The following DCAF8L2 variants were observed in gnomAD, a reference collection of about 807,000 sequenced individuals.
The protein encoded by DCAF8L2 is DDB1 and CUL4 associated factor 8 like 2, also known as DDB1- and CUL4-associated factor 8-like protein 2.
For missense variants in DCAF8L2, 430 were observed against 490.7 expected, an observed-to-expected ratio of 0.88 and a Z score of 1.17; for synonymous variants, 200 against 190.9, an observed-to-expected ratio of 1.05 and a Z score of -0.39.
At chrX:27,685,081 T>C (rs1930456450) in intron 3 of DCAF8L2, among the ~76,000 whole-genome samples, 1 of 111,857 alleles carries the variant, frequency 8.9e-6, no homozygotes, top group African/African-American at 3.2e-5. Flanking sequence ...CATTGTGCAC[T>C]AAACTTAGAC....
the DCAF8L2 span, among the ~76,000 whole-genome samples, chrX:27,560,207 C>T: frequency 1.9e-5 from 2 of 104,429 alleles, no homozygotes; most frequent in South Asian, 9.0e-4. Flanking sequence ...GCAGAGCTTG[C>T]AATGAGCCAA....
the DCAF8L2 span, among the ~76,000 whole-genome samples, chrX:27,474,706 G>T: frequency 8.9e-6 from 1 of 111,776 alleles, no homozygotes; most frequent in African/African-American, 3.3e-5. Flanking sequence ...AACATATTAT[G>T]CTCCTTTTAA....
the DCAF8L2 span, among the ~76,000 whole-genome samples, chrX:27,474,019 T>C: frequency 9.0e-6 from 1 of 110,926 alleles, no homozygotes; most frequent in Non-Finnish European, 1.9e-5. Context: ...TCAGGCTCAA[T>C]TGGAGTCCCG....
intron 2 of DCAF8L2, among the ~76,000 whole-genome samples, chrX:27,662,361 TA>T (rs1209747389): frequency 1.8e-4 from 20 of 111,765 alleles, no homozygotes; most frequent in Admixed American, 4.8e-4. Flanking sequence ...AAAATAGGGA[TA>T]TTTTTTCCAT....
chrX:27,666,733 C>T (rs1474370590), intron 2 of DCAF8L2, among the ~76,000 whole-genome samples: 1 of 112,115 alleles, frequency 8.9e-6, no homozygotes, highest in Non-Finnish European at 1.9e-5. Context: ...CAATTTGTAA[C>T]AGAATTGTTT....
At chrX:27,710,433 T>C (rs1415475646) in intron 3 of DCAF8L2, among the ~76,000 whole-genome samples, 1 of 111,947 alleles carries the variant, frequency 8.9e-6, no homozygotes, top group East Asian at 2.8e-4. Flanking sequence ...AGAGTATTTT[T>C]CTTAATTTAT....
At chrX:27,557,776 A>T in the DCAF8L2 span, among the ~76,000 whole-genome samples, 1 of 95,408 alleles carries the variant, frequency 1.0e-5, no homozygotes, top group Admixed American at 1.0e-4. Context: ...AAGAGCAGCA[A>T]GCCCTTCCTT....
chrX:27,638,075 AG>A (rs1195648559), intron 2 of DCAF8L2, among the ~76,000 whole-genome samples: 1 of 112,093 alleles, frequency 8.9e-6, no homozygotes, highest in Non-Finnish European at 1.9e-5. Flanking sequence ...AAGGAAGGTT[AG>A]GTAGGAAAAG....
intron 3 of DCAF8L2, among the ~76,000 whole-genome samples, chrX:27,704,931 C>T (rs955719338): frequency 2.7e-5 from 3 of 110,760 alleles, no homozygotes; most frequent in African/African-American, 9.9e-5. Context: ...GCATGGTACC[C>T]AATAAGAATT....
intron 1 of DCAF8L2, among the ~76,000 whole-genome samples, chrX:27,617,576 G>A (rs1228671048): frequency 9.0e-6 from 1 of 110,965 alleles, no homozygotes; most frequent in African/African-American, 3.3e-5. Flanking sequence ...ATGAAAACAT[G>A]TTGAAAAAGA....
chrX:27,699,780 T>G (rs990654577), intron 3 of DCAF8L2, among the ~76,000 whole-genome samples: 11 of 111,356 alleles, frequency 9.9e-5, no homozygotes, highest in Admixed American at 9.6e-5. Flanking sequence ...GTAATCCCAC[T>G]GTTTGGGAGG....
At chrX:27,529,484 G>A in the DCAF8L2 span, among the ~76,000 whole-genome samples, 1 of 111,820 alleles carries the variant, frequency 8.9e-6, no homozygotes, top group Non-Finnish European at 1.9e-5. Flanking sequence ...AGTAATGAGT[G>A]TTGGTTGCTG....
intron 3 of DCAF8L2, among the ~76,000 whole-genome samples, chrX:27,689,237 T>C (rs1930620840): frequency 8.9e-6 from 1 of 111,904 alleles, no homozygotes; most frequent in Admixed American, 9.5e-5. Flanking sequence ...ATTGATTGAC[T>C]GATTGATTGA....
At chrX:27,543,726 G>T in the DCAF8L2 span, among the ~76,000 whole-genome samples, 1 of 111,399 alleles carries the variant, frequency 9.0e-6, no homozygotes, top group Middle Eastern at 4.2e-3. Flanking sequence ...GGGAAAAGGA[G>T]CTCTGGTGTC....
the DCAF8L2 span, among the ~76,000 whole-genome samples, chrX:27,582,032 T>C: frequency 3.6e-5 from 4 of 112,391 alleles, no homozygotes; most frequent in Admixed American, 2.8e-4. Context: ...CTCTAGGATT[T>C]AGGTAATTTT....
chrX:27,596,770 T>G (rs1926377431), intron 1 of DCAF8L2, among the ~76,000 whole-genome samples: 1 of 93,743 alleles, frequency 1.1e-5, no homozygotes, highest in Non-Finnish European at 2.1e-5. Context: ...TCAAGTTAAT[T>G]TTTTGAGTAT....
chrX:27,536,426 A>G, the DCAF8L2 span, among the ~76,000 whole-genome samples: 1 of 112,413 alleles, frequency 8.9e-6, no homozygotes, highest in Admixed American at 9.4e-5. Flanking sequence ...CAGAATATAA[A>G]AAAATCCACC....
chrX:27,519,518 T>C, the DCAF8L2 span: 41 of 839,904 alleles, frequency 4.9e-5, no homozygotes, highest in Non-Finnish European at 7.0e-5. Context: ...CAGGAAGACT[T>C]GGAAAAGACC....
the DCAF8L2 span, among the ~76,000 whole-genome samples, chrX:27,494,125 C>T: frequency 3.6e-5 from 4 of 111,341 alleles, no homozygotes; most frequent in Non-Finnish European, 7.5e-5. Flanking sequence ...ATGACTTTTG[C>T]GGCCAGGCAC....
Sources: allele counts gnomAD v4.1 joint callset (sites outside exome capture counted in the v4.1 genomes callset), GRCh38; gene constraint gnomAD v4.1.1; transcripts MANE v1.5; gene names NCBI Gene and HGNC (gene_info 2026-07-23, HGNC 2026-07-21).